The following CELF2 variants were observed in gnomAD, a reference collection of about 807,000 sequenced individuals.
CELF2 encodes CUG triplet repeat RNA-binding protein 2.
Under a neutral mutation model 62.6 loss-of-function variants are expected in CELF2, and 8 were observed. The ratio of observed to expected loss-of-function variants is 0.13; its 90% confidence interval spans 0.07 to 0.23. The LOEUF is 0.23. Among genes scored for constraint, CELF2 ranks in the 10% least tolerant of loss-of-function variants. The pLI, the probability that CELF2 is intolerant of heterozygous loss-of-function variation, is 1.00. For synonymous variants in CELF2, 258 were observed against 250.0 expected (o/e 1.03, Z -0.30); for missense variants, 333 against 671.0 (o/e 0.50, Z 5.56).
chr10:10,590,747 C>T, the CELF2 span, among the ~76,000 whole-genome samples: 1 of 152,286 alleles, frequency 6.6e-6, no homozygotes, highest in East Asian at 1.9e-4. Context: ...AAGGACTGGC[C>T]CCTCCCTCAT....
the CELF2 span, among the ~76,000 whole-genome samples, chr10:10,728,012 AG>A: frequency 6.6e-6 from 1 of 152,078 alleles, no homozygotes; most frequent in African/African-American, 2.4e-5. Context: ...AGCCACAGGT[AG>A]AGGTGTCATG....
chr10:10,987,364 A>C (rs1444942952), intron 2 of CELF2, among the ~76,000 whole-genome samples: 1 of 151,972 alleles, frequency 6.6e-6, no homozygotes, highest in Non-Finnish European at 1.5e-5. Flanking sequence ...TGTAAATATT[A>C]TCGTAAACTA....
chr10:10,558,142 G>C, the CELF2 span, among the ~76,000 whole-genome samples: 1 of 152,200 alleles, frequency 6.6e-6, no homozygotes, highest in Admixed American at 6.5e-5. Flanking sequence ...TCCAGTTTTT[G>C]TCCATTCAGT....
intron 1 of CELF2, among the ~76,000 whole-genome samples, chr10:11,083,295 CTAA>C (rs1286558256): frequency 6.6e-6 from 1 of 152,166 alleles, no homozygotes; most frequent in Non-Finnish European, 1.5e-5. Context: ...TGGTGAATTC[CTAA>C]TAATAGGAAA....
At chr10:11,249,042 T>G (rs986460507) in intron 3 of CELF2, 111 bp from the exon 4 acceptor site, 9 of 820,028 alleles carry the variant, frequency 1.1e-5, no homozygotes, top group African/African-American at 3.4e-5. Context: ...GAAGTCTTGT[T>G]GTCACTTATG....
rs2065741779 is a variant in CELF2 at position 10,928,347 on chromosome 10, A to G, written c.89+8348A>G. ...TGAGATCTGGTCTCCTACTCTTTGT[A>G]TGTGTTCTTCCTTCTATTTGAAAGC... On this transcript the variant is annotated intron_variant, in intron 2 of 13. Coordinates refer to the CELF2 transcript ENST00000636488. The surrounding 1 kb of genome is among the most constrained non-coding windows in gnomAD (Gnocchi z 4.8). Among the ~76,000 whole-genome samples, 1 of 152,098 alleles carries G rather than the reference A, an allele frequency of 6.6e-6. No individual in the cohort carries two copies. Among genetic ancestry groups the G allele is most frequent in the Non-Finnish European group, 1.5e-5 (1 of 68,022 alleles).
chr10:10,935,884 G>A (rs991585025), intron 2 of CELF2, among the ~76,000 whole-genome samples: 8 of 151,828 alleles, frequency 5.3e-5, no homozygotes, highest in African/African-American at 1.9e-4. Context: ...TAAATTCTTG[G>A]ATCACGCCTG....
At position 11,280,234 on chromosome 10, in the gene CELF2, C is replaced by T. The variant is rs2890079; in HGVS notation, c.841+5114C>T. Among the ~76,000 whole-genome samples, 4,499 of 152,214 alleles carry T rather than the reference C, an allele frequency of 0.03. 109 individuals are homozygous for T. The highest frequency in any genetic ancestry group is 0.065 in the East Asian group (336 of 5,172). On this transcript the variant is annotated intron_variant, in intron 8 of 12. Coordinates refer to ENST00000633077, the MANE Select transcript of CELF2 (RefSeq NM_001326342.2). The surrounding 1 kb of genome is among the most constrained non-coding windows in gnomAD (Gnocchi z 7.6). ...CTTCCGGATGAGCGGAAGTGAAGCC[C>T]GCTGTTAGTTCTGGGGAGGAATAAG...
At chr10:11,043,485 A>G (rs904508194) in intron 1 of CELF2, among the ~76,000 whole-genome samples, 7 of 152,164 alleles carry the variant, frequency 4.6e-5, no homozygotes, top group African/African-American at 1.7e-4. Context: ...CTTGCCCTGA[A>G]CACCAGCATT....
At chr10:10,622,641 T>A in the CELF2 span, among the ~76,000 whole-genome samples, 1 of 151,772 alleles carries the variant, frequency 6.6e-6, no homozygotes, top group Non-Finnish European at 1.5e-5. Context: ...GGTGACAGAA[T>A]GAGACCCTGT....
chr10:10,987,740 C>A (rs958205501), intron 2 of CELF2, among the ~76,000 whole-genome samples: 12 of 151,882 alleles, frequency 7.9e-5, no homozygotes, highest in African/African-American at 2.9e-4. Flanking sequence ...TAACCAGAAT[C>A]TATAAGGAAC....
chr10:10,622,741 G>A, the CELF2 span, among the ~76,000 whole-genome samples: 1 of 151,708 alleles, frequency 6.6e-6, no homozygotes, highest in Non-Finnish European at 1.5e-5. Flanking sequence ...GTGAAGGAGA[G>A]GAGTGCAGAC....
rs2092410314 is a variant in CELF2, at chr10:11,290,780, G to A, written c.976+2228G>A. Among the ~76,000 whole-genome samples the A allele has an allele frequency of 1.3e-5, 2 of 152,222 alleles. No individual in the cohort carries two copies. Among genetic ancestry groups the A allele is most frequent in the South Asian group, 2.1e-4 (1 of 4,822 alleles). On this transcript the variant is annotated intron_variant, in intron 9 of 12. Transcript: ENST00000633077. The surrounding 1 kb of genome is among the most constrained non-coding windows in gnomAD (Gnocchi z 4.3). ...CGCTCGCTTAGGTGTCACTGAGAGC[G>A]ATTTTTCTCTTCTCTACTGAGGAAT... is the stretch of plus-strand genomic sequence containing the variant.
At chr10:10,688,306 T>G in the CELF2 span, among the ~76,000 whole-genome samples, 1 of 152,222 alleles carries the variant, frequency 6.6e-6, no homozygotes, top group Non-Finnish European at 1.5e-5. Flanking sequence ...TAAACAGATC[T>G]GGACTGCTTT....
chr10:10,602,552 C>T, the CELF2 span, among the ~76,000 whole-genome samples: 3 of 152,142 alleles, frequency 2.0e-5, no homozygotes, highest in Non-Finnish European at 4.4e-5. Context: ...AAGTCATTTT[C>T]ATTTCACGGA....
At chr10:10,636,568 A>G in the CELF2 span, among the ~76,000 whole-genome samples, 1 of 152,210 alleles carries the variant, frequency 6.6e-6, no homozygotes, top group African/African-American at 2.4e-5. Context: ...CTATGGAAAT[A>G]CATGGCATCT....
chr10:11,174,206 T>A (rs2070109435), intron 2 of CELF2, among the ~76,000 whole-genome samples: 1 of 152,190 alleles, frequency 6.6e-6, no homozygotes, highest in African/African-American at 2.4e-5. Flanking sequence ...ATGTGTGAGC[T>A]GGTGGATTAT....
rs563381147 is a variant in CELF2 at position 11,319,301 on chromosome 10, C to G, written c.1097-1888C>G. 13 of 355,546 alleles carry G rather than the reference C, an allele frequency of 3.7e-5. No homozygotes were observed. Among genetic ancestry groups the G allele is most frequent in the Middle Eastern group, 3.9e-4 (1 of 2,582 alleles). 22.0% of individuals were successfully genotyped at this position (355,546 alleles called of 1,614,324 possible). ...CCCCTCTCACCTATCTCAAAAAACA[C>G]GGAAGTTCCTTTGCATCACACAAAT... is the stretch of plus-strand genomic sequence containing the variant. On this transcript the variant is annotated intron_variant, in intron 10 of 12. Transcript: ENST00000633077. This position sits in a 1 kb window ranked among gnomAD's most constrained non-coding sequence, Gnocchi z 4.4.
the CELF2 span, among the ~76,000 whole-genome samples, chr10:10,706,834 A>G: frequency 1.3e-5 from 2 of 152,200 alleles, no homozygotes; most frequent in Non-Finnish European, 2.9e-5. Flanking sequence ...AGTTTTACCA[A>G]AACCTTAGGC....
Sources: allele counts gnomAD v4.1 joint callset (sites outside exome capture counted in the v4.1 genomes callset), GRCh38; gene constraint gnomAD v4.1.1; non-coding constraint Gnocchi (gnomAD v3.1); transcripts MANE v1.5; gene names NCBI Gene and HGNC (gene_info 2026-07-23, HGNC 2026-07-21).